Variants in CAMSAP2 observed in about 807,000 individuals in gnomAD.
CAMSAP2 encodes calmodulin regulated spectrin associated protein family member 2.
In CAMSAP2, 26 loss-of-function variants were observed where a neutral mutation model predicts 146.1. The ratio of observed to expected loss-of-function variants is 0.18; its 90% CI spans 0.13 to 0.25. The LOEUF (loss-of-function observed/expected upper bound fraction) is 0.25. Ranked by LOEUF, CAMSAP2 falls within the 10% of genes least tolerant of loss-of-function variation. CAMSAP2 has a pLI of 1.00. For synonymous variants in CAMSAP2, 499 were observed against 596.6 expected (o/e 0.84, Z 2.38); for missense variants, 1,381 against 1,759.3 (o/e 0.78, Z 3.85).
rs1196786226 is a variant in CAMSAP2, at chr1:200,848,098, T to C, written c.1329T>C (p.Thr443=). 1 of 1,608,622 alleles carries C rather than the reference T, an allele frequency of 6.2e-7. No individual in the cohort carries two copies. Among genetic ancestry groups the C allele is most frequent in the Non-Finnish European group, 8.5e-7 (1 of 1,176,848 alleles). Residue 443 remains threonine (T), a synonymous_variant, in exon 11 of 17, where the codon ACT becomes ACC. Coordinates refer to ENST00000358823, the MANE Select transcript of CAMSAP2 (RefSeq NM_203459.4). ...FDKEDSVQRS[T]PNRGITRSIS... ...AAGAAGATAGTGTACAGAGATCCACTCCAAACCGAGGAATCACTCGTTCTA... is the reference window on the plus strand; with the variant it reads ...AAGAAGATAGTGTACAGAGATCCACCCCAAACCGAGGAATCACTCGTTCTA...
intron 4 of CAMSAP2, among the ~76,000 whole-genome samples, chr1:200,822,845 A>G (rs1017484552): frequency 1.3e-5 from 2 of 152,200 alleles, no homozygotes; most frequent in Non-Finnish European, 2.9e-5. Flanking sequence ...ATGTGGTTTC[A>G]TCACACTCCT....
In CAMSAP2 at chr1:200,844,033, G is replaced by A. The variant is rs1401605207; in HGVS notation, c.1022-749G>A. 5.9e-5 allele frequency among the ~76,000 whole-genome samples: 9 copies of A among 151,524 alleles called. 1 individual carries two copies. In the South Asian group the frequency reaches 8.4e-4, roughly 14 times the overall value. On this transcript the variant is annotated intron_variant, in intron 7 of 16. Transcript: ENST00000358823. ...ACAACAGGCGCCTGCCACCACGCCCGGCTAATTTTTTGTATTTTTAGTAGA... is the reference window on the plus strand; with the variant it reads ...ACAACAGGCGCCTGCCACCACGCCCAGCTAATTTTTTGTATTTTTAGTAGA...
At chr1:200,777,797 G>A (rs1200867645) in intron 2 of CAMSAP2, among the ~76,000 whole-genome samples, 4 of 152,196 alleles carry the variant, frequency 2.6e-5, no homozygotes, top group East Asian at 3.9e-4. Context: ...AAAATTAGCC[G>A]GGCATGGTGG....
At chr1:200,758,302 G>T (rs936058660) in intron 1 of CAMSAP2, among the ~76,000 whole-genome samples, 1 of 152,054 alleles carries the variant, frequency 6.6e-6, no homozygotes, top group African/African-American at 2.4e-5. Flanking sequence ...ACTGATACAG[G>T]AAATAAAAAT....
At chr1:200,801,224 A>G (rs562130684) in intron 2 of CAMSAP2, among the ~76,000 whole-genome samples, 1 of 151,962 alleles carries the variant, frequency 6.6e-6, no homozygotes, top group East Asian at 1.9e-4. Context: ...AGATCGCGCC[A>G]CTGCACTCCA....
chr1:200,811,076 A>G (rs1666317860), intron 3 of CAMSAP2, among the ~76,000 whole-genome samples: 1 of 152,212 alleles, frequency 6.6e-6, no homozygotes, highest in Non-Finnish European at 1.5e-5. Context: ...TGAGTTGGTC[A>G]AAAAGGCAAA....
At chr1:200,763,359 C>T (rs920926405) in intron 2 of CAMSAP2, among the ~76,000 whole-genome samples, 12 of 152,126 alleles carry the variant, frequency 7.9e-5, no homozygotes, top group East Asian at 3.9e-4. Flanking sequence ...GCTAACATGG[C>T]GAAACCCCAT....
At chr1:200,847,343 G>A in intron 9 of CAMSAP2, 51 bp downstream of exon 9, 1 of 1,264,354 alleles carries the variant, frequency 7.9e-7, no homozygotes, top group Non-Finnish European at 1.1e-6. Flanking sequence ...TAGGTTACCT[G>A]GGAAATGATT....
chr1:200,787,017 A>G (rs549119891), intron 2 of CAMSAP2, among the ~76,000 whole-genome samples: 422 of 141,324 alleles, frequency 3.0e-3, no homozygotes, highest in African/African-American at 0.01. Flanking sequence ...ACCTGCTCAG[A>G]AAAAAAAAAA....
intron 4 of CAMSAP2, among the ~76,000 whole-genome samples, chr1:200,825,472 G>A (rs565865979): frequency 1.5e-3 from 230 of 151,078 alleles, no homozygotes; most frequent in Middle Eastern, 3.5e-3. Flanking sequence ...TACTCCATAC[G>A]GTCCCTAGAG....
chr1:200,757,757 C>T (rs1265173028), intron 1 of CAMSAP2, among the ~76,000 whole-genome samples: 1 of 152,158 alleles, frequency 6.6e-6, no homozygotes, highest in Non-Finnish European at 1.5e-5. Flanking sequence ...TGAAGTTTTA[C>T]ATTCTCTTGA....
intron 1 of CAMSAP2, among the ~76,000 whole-genome samples, chr1:200,758,891 A>G (rs543443616): frequency 6.6e-6 from 1 of 152,038 alleles, no homozygotes; most frequent in South Asian, 2.1e-4. Context: ...TTCTGTTTTC[A>G]CTACTGCCTT....
Position 200,847,641 on chromosome 1 carries a change from A to T in CAMSAP2, c.1194A>T (p.Gly398=). 6.2e-7 allele frequency: 1 copy of T among 1,608,354 alleles called. No homozygotes were observed. Residue 398 remains glycine, a splice_region_variant and synonymous_variant, in exon 10 of 17, where the codon GGA becomes GGT. Coordinates refer to ENST00000358823, the MANE Select transcript of CAMSAP2 (RefSeq NM_203459.4). ...SRPQAHSSAS[G]GIRRSSSMSY... ...GCTTTTTCTTTTTTGCATTTGAAGG[A>T]GGAATTAGAAGGTCTTCATCTATGT...
At chr1:200,775,672 G>C (rs1665250648) in intron 2 of CAMSAP2, among the ~76,000 whole-genome samples, 3 of 152,078 alleles carry the variant, frequency 2.0e-5, no homozygotes, top group African/African-American at 4.8e-5. Context: ...TGGGACTACA[G>C]GCACACGCCA....
At chr1:200,803,233 G>A (rs1666081387) in intron 2 of CAMSAP2, among the ~76,000 whole-genome samples, 1 of 152,164 alleles carries the variant, frequency 6.6e-6, no homozygotes. Context: ...CTGCCTCCTT[G>A]CTGTGTAACC....
At chr1:200,792,362 G>A (rs533890397) in intron 2 of CAMSAP2, among the ~76,000 whole-genome samples, 1 of 152,290 alleles carries the variant, frequency 6.6e-6, no homozygotes, top group African/African-American at 2.4e-5. Flanking sequence ...GACATGCTAA[G>A]TTTAAAAAAG....
At position 200,857,664 on chromosome 1, in the gene CAMSAP2, A is replaced by G; in HGVS notation, c.4132-90A>G. On this transcript the variant is annotated intron_variant, in intron 16 of 16. Transcript: ENST00000358823. This position sits in a 1 kb window ranked among gnomAD's most constrained non-coding sequence, Gnocchi z 4.7. Reference sequence around the variant, plus strand: ...GAAATAATGTTATAAAATGTGACTAAGAAACGTAACATAATTATATAAACT... The same window carrying G: ...GAAATAATGTTATAAAATGTGACTAGGAAACGTAACATAATTATATAAACT... 1 of 1,151,534 alleles carries G rather than the reference A, an allele frequency of 8.7e-7. No homozygotes were observed. The highest frequency in any genetic ancestry group is 2.4e-5 in the East Asian group (1 of 41,004). 71.3% of individuals were successfully genotyped at this position (1,151,534 alleles called of 1,614,324 possible).
At chr1:200,790,784 A>T (rs984467571) in intron 2 of CAMSAP2, among the ~76,000 whole-genome samples, 2 of 152,182 alleles carry the variant, frequency 1.3e-5, no homozygotes, top group Non-Finnish European at 2.9e-5. Flanking sequence ...ATTTTTTTGT[A>T]GTGCACATTT....
chr1:200,831,953 C>G (rs996964580), intron 4 of CAMSAP2, among the ~76,000 whole-genome samples: 1 of 151,890 alleles, frequency 6.6e-6, no homozygotes, highest in Admixed American at 6.6e-5. Context: ...ATATTTAAGC[C>G]AAATGTCAGT....
Sources: gnomAD v4.1 joint callset for allele counts (sites outside exome capture counted in the v4.1 genomes callset) on GRCh38, gnomAD v4.1.1 for gene constraint, Gnocchi (gnomAD v3.1) non-coding constraint, MANE v1.5 for transcripts, NCBI Gene and HGNC (gene_info 2026-07-23, HGNC 2026-07-21) for gene names.